Variants in FCHSD2 observed in about 807,000 individuals in gnomAD.
FCHSD2 encodes the protein F-BAR and double SH3 domains protein 2.
A neutral mutation model predicts 108.1 loss-of-function variants in FCHSD2; 38 were observed. The observed-to-expected ratio is 0.35, with a 90% CI of 0.27 to 0.46. The LOEUF (loss-of-function observed/expected upper bound fraction) is 0.46. Among genes scored for constraint, FCHSD2 ranks in the 20% least tolerant of loss-of-function variants. The pLI is 1.00. For missense variants in FCHSD2, 751 were observed against 897.8 expected (o/e 0.84, Z 2.09); for synonymous variants, 279 against 314.7 (o/e 0.89, Z 1.20).
At chr11:72,887,739 TAACA>T (rs1402383589) in intron 11 of FCHSD2, among the ~76,000 whole-genome samples, 165 bp from the exon 12 acceptor site, 1 of 152,184 alleles carries the variant, frequency 6.6e-6, no homozygotes, top group Non-Finnish European at 1.5e-5. Context: ...GACTTACTAG[TAACA>T]AACTTACTAC....
chr11:73,072,759 C>T (rs1363020246), intron 3 of FCHSD2, among the ~76,000 whole-genome samples: 2 of 152,164 alleles, frequency 1.3e-5, no homozygotes, highest in East Asian at 1.9e-4. Context: ...AGTAACCACA[C>T]ACCGCTAAAT....
At chr11:72,977,132 C>T (rs566137681) in intron 8 of FCHSD2, among the ~76,000 whole-genome samples, 1 of 152,058 alleles carries the variant, frequency 6.6e-6, no homozygotes, top group Non-Finnish European at 1.5e-5. Context: ...ACCATATTGG[C>T]CAGGTGGTCT....
chr11:73,053,262 A>T lies in FCHSD2; in HGVS notation c.165+30433T>A, dbSNP rs7947513. 3.5e-3 allele frequency among the ~76,000 whole-genome samples: 530 copies of T among 151,750 alleles called. 1 individual carries two copies. Among genetic ancestry groups the T allele is most frequent in the African/African-American group, 0.012 (508 of 41,354 alleles). ...ACAAATTTGATAAAAACATTTTCAA[A>T]TTTTTTCCACCAAAAGAAGATTCAT... On this transcript the variant is annotated intron_variant, in intron 3 of 19. Coordinates refer to ENST00000409418, the MANE Select transcript of FCHSD2 (RefSeq NM_014824.3).
At chr11:72,916,528 T>A (rs189416999) in intron 9 of FCHSD2, among the ~76,000 whole-genome samples, 1 of 152,274 alleles carries the variant, frequency 6.6e-6, no homozygotes, top group East Asian at 1.9e-4. Context: ...TTGCCTAGGC[T>A]GCTCTTGAAC....
At chr11:72,863,041 G>C (rs1196304840) in intron 13 of FCHSD2, among the ~76,000 whole-genome samples, 1 of 151,958 alleles carries the variant, frequency 6.6e-6, no homozygotes, top group Non-Finnish European at 1.5e-5. Context: ...TCTTGCTTTA[G>C]CCTCCTGAGT....
intron 10 of FCHSD2, among the ~76,000 whole-genome samples, chr11:72,895,810 C>CA (rs763597794): frequency 2.0e-4 from 31 of 152,252 alleles, no homozygotes; most frequent in Non-Finnish European, 3.2e-4. Context: ...GGATACTGTG[C>CA]CAAGCATGTG....
intron 8 of FCHSD2, among the ~76,000 whole-genome samples, chr11:72,941,585 A>G (rs1413202650): frequency 1.3e-5 from 2 of 152,142 alleles, no homozygotes; most frequent in African/African-American, 4.8e-5. Context: ...TTTAAACAAC[A>G]TGAAATAAAA....
At chr11:72,898,168 C>G (rs1013355680) in intron 10 of FCHSD2, among the ~76,000 whole-genome samples, 1 of 152,162 alleles carries the variant, frequency 6.6e-6, no homozygotes, top group Non-Finnish European at 1.5e-5. Context: ...TGTGACTATA[C>G]ATATTCAATT....
At chr11:73,061,513 T>C (rs1859163521) in intron 3 of FCHSD2, among the ~76,000 whole-genome samples, 2 of 152,112 alleles carry the variant, frequency 1.3e-5, no homozygotes, top group Admixed American at 6.5e-5. Flanking sequence ...GTGGTATGGG[T>C]CTGCGGGTCC....
In FCHSD2 at chr11:72,842,664, G is replaced by A; in HGVS notation, c.1883C>T (p.Ser628Leu). ...VFPSVLVEEL[S>L]ASENGDTPWM... ...TGGAGTGTCACCATTTTCTGAGGCT[G>A]AAAGTTCTTCCACTAGCACCGATGG... Residue 628 changes from serine to leucine, a missense_variant, in exon 17 of 20, where the codon TCA (serine) becomes TTA (leucine). Transcript: ENST00000409418. 6.2e-7 allele frequency: 1 copy of A among 1,614,016 alleles called. No individual in the cohort carries two copies. The highest frequency in any genetic ancestry group is 1.1e-5 in the South Asian group (1 of 91,090).
At chr11:73,020,874 T>C (rs978589605) in intron 3 of FCHSD2, among the ~76,000 whole-genome samples, 1 of 152,030 alleles carries the variant, frequency 6.6e-6, no homozygotes, top group African/African-American at 2.4e-5. Context: ...ATAAGATCTA[T>C]TGACATTTTA....
chr11:73,029,217 G>T (rs1314513369), intron 3 of FCHSD2, among the ~76,000 whole-genome samples: 1 of 152,084 alleles, frequency 6.6e-6, no homozygotes, highest in African/African-American at 2.4e-5. Context: ...ACAACTTTGG[G>T]GGAAAACAAA....
At chr11:72,991,450 G>A (rs1857412759) in intron 5 of FCHSD2, among the ~76,000 whole-genome samples, 1 of 152,156 alleles carries the variant, frequency 6.6e-6, no homozygotes, top group African/African-American at 2.4e-5. Flanking sequence ...GAACATCGAT[G>A]CAAAAATCCT....
chr11:73,081,821 A>G (rs1474523384), intron 3 of FCHSD2, among the ~76,000 whole-genome samples: 2 of 152,230 alleles, frequency 1.3e-5, no homozygotes, highest in Non-Finnish European at 2.9e-5. Context: ...AAACCAGATA[A>G]CATATATAAA....
chr11:73,105,309 T>C (rs1003710966), intron 2 of FCHSD2, among the ~76,000 whole-genome samples: 2 of 152,184 alleles, frequency 1.3e-5, no homozygotes, highest in African/African-American at 4.8e-5. Flanking sequence ...ATAAGGACAA[T>C]GAAACAGGAT....
chr11:72,897,290 C>A (rs898393726), intron 10 of FCHSD2, among the ~76,000 whole-genome samples: 7 of 144,914 alleles, frequency 4.8e-5, no homozygotes, highest in African/African-American at 1.8e-4. Context: ...TTCAACCAAC[C>A]GTGGATCAAA....
rs189624868 is a variant in FCHSD2, at chr11:73,096,278, C to T, written c.120-12538G>A. The stretch of plus-strand genomic sequence containing the variant: ...AAAGCAGGCAGGGAACAGTGGCTCA[C>T]GTCTGTAATCCCAGCACTTAGGGAG... On this transcript the variant is annotated intron_variant, in intron 2 of 19. Transcript: ENST00000409418. Among the ~76,000 whole-genome samples, 12 of 149,724 alleles carry T rather than the reference C, an allele frequency of 8.0e-5. No individual in the cohort carries two copies. The East Asian group carries it at 1.2e-3, about 15-fold the overall frequency.
At chr11:72,966,352 G>A (rs1856906727) in intron 8 of FCHSD2, among the ~76,000 whole-genome samples, 1 of 152,030 alleles carries the variant, frequency 6.6e-6, no homozygotes. Context: ...TAGAGACAGG[G>A]TTTCGTCATG....
At chr11:73,132,817 G>A (rs1332139872) in intron 2 of FCHSD2, among the ~76,000 whole-genome samples, 3 of 118,606 alleles carry the variant, frequency 2.5e-5, no homozygotes, top group Admixed American at 1.8e-4. Context: ...AGAATGAAAC[G>A]GTAACAGAAA....
Sources: allele counts gnomAD v4.1 joint callset (sites outside exome capture counted in the v4.1 genomes callset), GRCh38; gene constraint gnomAD v4.1.1; transcripts MANE v1.5; gene names NCBI Gene and HGNC (gene_info 2026-07-23, HGNC 2026-07-21).